Variants in IKBIP observed in about 807,000 individuals in gnomAD.
The protein encoded by IKBIP is IKBKB interacting protein.
Under a neutral mutation model 31.0 loss-of-function variants are expected in IKBIP, and 28 were observed. The observed-to-expected ratio is 0.90, with a 90% CI of 0.67 to 1.24. IKBIP has a LOEUF of 1.24. Among genes scored for constraint, IKBIP ranks in the 50% most tolerant of loss-of-function variants. The probability of loss-of-function intolerance (pLI) is 0.00; values close to 1 mark genes in which losing one functional copy is unlikely to be tolerated. For missense variants in IKBIP, 453 were observed against 441.9 expected, an observed-to-expected ratio of 1.03 and a Z score of -0.23; for synonymous variants, 164 against 160.3, an observed-to-expected ratio of 1.02 and a Z score of -0.17.
At chr12:98,613,436 C>T in exon 3 of IKBIP, 2 of 448,578 alleles carry the variant, frequency 4.5e-6, no homozygotes, top group South Asian at 4.3e-5. Context: ...GGAAAATCAA[C>T]CTGTTTTAAA....
At chr12:98,644,031 A>G (rs1398396098) in intron 1 of IKBIP, among the ~76,000 whole-genome samples, 4 of 152,020 alleles carry the variant, frequency 2.6e-5, no homozygotes, top group Non-Finnish European at 5.9e-5. Flanking sequence ...TGGCCAGGCT[A>G]GTCTCGAACT....
downstream of IKBIP, among the ~76,000 whole-genome samples, chr12:98,621,451 G>C (rs554855847): frequency 2.2e-4 from 34 of 152,198 alleles, no homozygotes; most frequent in Non-Finnish European, 4.3e-4. Flanking sequence ...TACAGCTTTT[G>C]AGGGACTGAG....
At chr12:98,634,713 T>TC (rs1430289598) in intron 1 of IKBIP, among the ~76,000 whole-genome samples, 1 of 148,452 alleles carries the variant, frequency 6.7e-6, no homozygotes, top group African/African-American at 2.5e-5. Flanking sequence ...CTTTAGCCTT[T>TC]TTTTTTTTTT....
chr12:98,625,094 G>A lies in IKBIP; in HGVS notation c.*836C>T. ...GCTAGGATTACAGGTGTGAGCCACT[G>A]CGCCTGGCCTATTTAAGTAAACCAT... On this transcript the variant is annotated 3_prime_UTR_variant, in exon 3 of 3. Transcript: ENST00000299157. 2 of 981,686 alleles carry A rather than the reference G, an allele frequency of 2.0e-6. No homozygotes were observed. Among genetic ancestry groups the A allele is most frequent in the Non-Finnish European group, 2.4e-6 (2 of 826,568 alleles). The allele number at this position is 981,686 out of a possible 1,614,324, so 60.8% of individuals were successfully genotyped here.
At chr12:98,631,511 C>T (rs1484914221) in intron 2 of IKBIP, among the ~76,000 whole-genome samples, 2 of 151,270 alleles carry the variant, frequency 1.3e-5, no homozygotes, top group Admixed American at 6.6e-5. Context: ...GAACTCCTGA[C>T]CTCAGGTGAT....
chr12:98,634,193 T>C (rs1347853904), intron 2 of IKBIP, 103 bp downstream of exon 2: 1 of 648,142 alleles, frequency 1.5e-6, no homozygotes, highest in Non-Finnish European at 2.8e-6. Flanking sequence ...AAAATAGTGA[T>C]GGTCTAAAAG....
chr12:98,619,086 T>C (rs2097608118), intron 2 of IKBIP, among the ~76,000 whole-genome samples: 1 of 152,212 alleles, frequency 6.6e-6, no homozygotes, highest in South Asian at 2.1e-4. Flanking sequence ...GCCCAAAATG[T>C]GTTTTTTGGT....
In IKBIP at chr12:98,614,137, A is replaced by G. The variant is rs746885171; in HGVS notation, c.501T>C (p.Asp167=). The G allele has an allele frequency of 3.1e-6, 5 of 1,613,534 alleles. No individual in the cohort carries two copies. In the South Asian group the frequency reaches 4.4e-5, roughly 14 times the overall value. The change falls in exon 3 of 3, where the codon GAT becomes GAC. Residue 167 remains aspartate (D), a synonymous_variant. Coordinates refer to the IKBIP transcript ENST00000342502. ...TTACACTTGTAATCTTGAGACCAAC[A>G]TCTTTTGCCATGGAAGTTGTACTTT...
chr12:98,613,443 TAA>T (rs1565835463), exon 3 of IKBIP: 1 of 525,966 alleles, frequency 1.9e-6, no homozygotes, highest in Non-Finnish European at 3.2e-6. Flanking sequence ...CAACCTGTTT[TAA>T]AGTTTTATTT....
intron 1 of IKBIP, among the ~76,000 whole-genome samples, chr12:98,637,241 TAAG>T (rs756519230): frequency 3.3e-5 from 5 of 152,044 alleles, no homozygotes; most frequent in African/African-American, 9.7e-5. Context: ...ACGGTGCATA[TAAG>T]AAAAAAGTAC....
chr12:98,627,247 G>A (rs2097615374), intron 2 of IKBIP, among the ~76,000 whole-genome samples: 1 of 150,660 alleles, frequency 6.6e-6, no homozygotes, highest in South Asian at 2.1e-4. Flanking sequence ...AGAATTACAG[G>A]CGAGAGCTGC....
chr12:98,615,186 A>AT (rs1016024860), intron 2 of IKBIP, among the ~76,000 whole-genome samples: 10 of 151,376 alleles, frequency 6.6e-5, no homozygotes, highest in Admixed American at 1.3e-4. Context: ...CACCTCATGT[A>AT]TTTTTTTTTG....
chr12:98,643,203 G>T (rs1040564799), intron 1 of IKBIP, among the ~76,000 whole-genome samples: 1 of 152,034 alleles, frequency 6.6e-6, no homozygotes, highest in Middle Eastern at 3.2e-3. Context: ...TGCCCACCTC[G>T]GCCTCCCAAA....
chr12:98,631,946 C>T (rs1262748331), intron 2 of IKBIP, among the ~76,000 whole-genome samples: 1 of 151,552 alleles, frequency 6.6e-6, no homozygotes, highest in African/African-American at 2.4e-5. Flanking sequence ...ATCTCCACCT[C>T]CCAGGTTCAA....
chr12:98,642,701 A>T (rs148951595), intron 1 of IKBIP, among the ~76,000 whole-genome samples: 5,522 of 148,988 alleles, frequency 0.037, 150 homozygotes, highest in Middle Eastern at 0.13. Flanking sequence ...CTTGGGTTCA[A>T]GTGATTTTCC....
downstream of IKBIP, among the ~76,000 whole-genome samples, chr12:98,623,016 T>C (rs932125374): frequency 2.0e-5 from 3 of 150,972 alleles, no homozygotes; most frequent in African/African-American, 7.4e-5. Context: ...AGTCTCACTC[T>C]GTTGCCAGGC....
Position 98,614,591 on chromosome 12 carries a change from C to CT in IKBIP, c.298-252dup, listed in dbSNP as rs1460195441. Among the ~76,000 whole-genome samples the CT allele has an allele frequency of 1.8e-4, 27 of 151,608 alleles. No homozygotes were observed. The East Asian group carries it at 2.1e-3, about 12-fold the overall frequency. On this transcript the variant is annotated intron_variant, in intron 2 of 2. Coordinates refer to the IKBIP transcript ENST00000342502. ...AGGCACCCGCCCCCACCTCAGCTAA[C>CT]TTTTTTTGTATTTTTAGTAGAGACG...
chr12:98,623,543 C>A (rs568975235), downstream of IKBIP, among the ~76,000 whole-genome samples: 3 of 144,168 alleles, frequency 2.1e-5, no homozygotes, highest in South Asian at 4.4e-4. Flanking sequence ...TTGTGCCTGG[C>A]CTTACTCCTC....
intron 2 of IKBIP, among the ~76,000 whole-genome samples, chr12:98,619,085 G>A (rs369529186): frequency 6.6e-6 from 1 of 152,166 alleles, no homozygotes; most frequent in Non-Finnish European, 1.5e-5. Context: ...GGCCCAAAAT[G>A]TGTTTTTTGG....
Sources: allele counts gnomAD v4.1 joint callset (sites outside exome capture counted in the v4.1 genomes callset), GRCh38; gene constraint gnomAD v4.1.1; transcripts MANE v1.5; gene names NCBI Gene and HGNC (gene_info 2026-07-23, HGNC 2026-07-21).